Variants in TMC3 observed in about 807,000 individuals in gnomAD.
The protein encoded by TMC3 is transmembrane channel-like protein 3.
Under a neutral mutation model 110.6 loss-of-function variants are expected in TMC3, and 98 were observed. The ratio of observed to expected loss-of-function variants is 0.89; its 90% CI spans 0.75 to 1.05. TMC3 has a LOEUF of 1.05. TMC3 is among the 50% of genes least tolerant of loss of function. TMC3 has a pLI of 0.00. For synonymous variants in TMC3, 489 were observed against 513.1 expected (o/e 0.95, Z 0.63); for missense variants, 1,319 against 1,373.2 (o/e 0.96, Z 0.62).
intron 13 of TMC3, among the ~76,000 whole-genome samples, chr15:81,344,536 T>C (rs1420491450): frequency 6.6e-6 from 1 of 152,220 alleles, no homozygotes; most frequent in Non-Finnish European, 1.5e-5. Context: ...GTGACAATAA[T>C]AGGACTCTTA....
intron 1 of TMC3, among the ~76,000 whole-genome samples, chr15:81,373,787 C>T (rs1230971784): frequency 1.3e-5 from 2 of 152,174 alleles, no homozygotes; most frequent in African/African-American, 4.8e-5. Flanking sequence ...GGTCAAGAAG[C>T]AGCCAGAAGA....
chr15:81,342,751 T>C (rs979621643), intron 15 of TMC3: 1 of 152,476 alleles, frequency 6.6e-6, no homozygotes, highest in African/African-American at 2.4e-5. Flanking sequence ...AGCTCCTCAG[T>C]GTCTCCAAGG....
At chr15:81,367,578 T>A (rs1199859348) in intron 3 of TMC3, among the ~76,000 whole-genome samples, 1 of 152,180 alleles carries the variant, frequency 6.6e-6, no homozygotes, top group East Asian at 1.9e-4. Flanking sequence ...AAAATGAGCA[T>A]TGGCATATAC....
At chr15:81,365,619 C>T (rs994874439) in intron 3 of TMC3, among the ~76,000 whole-genome samples, 4 of 143,404 alleles carry the variant, frequency 2.8e-5, no homozygotes, top group East Asian at 4.2e-4. Context: ...TGCAGTGAGC[C>T]GAGATTGTGC....
intron 19 of TMC3, 71 bp from the exon 20 acceptor site, chr15:81,336,722 G>T: frequency 6.7e-7 from 1 of 1,499,972 alleles, no homozygotes; most frequent in Non-Finnish European, 9.3e-7. Context: ...ATTCCTGGGG[G>T]AAGAGAAAAA....
At chr15:81,372,140 G>A (rs1457988021) in intron 2 of TMC3, among the ~76,000 whole-genome samples, 1 of 151,332 alleles carries the variant, frequency 6.6e-6, no homozygotes, top group African/African-American at 2.4e-5. Context: ...TTTACCCAGA[G>A]GGTGGTAATA....
chr15:81,347,264 C>T (rs1027042925), intron 11 of TMC3, among the ~76,000 whole-genome samples: 21 of 152,192 alleles, frequency 1.4e-4, no homozygotes, highest in Admixed American at 1.2e-3. Flanking sequence ...ATGGGAGAAT[C>T]GTGAAACCAA....
At chr15:81,356,761 T>C (rs1000926150) in intron 7 of TMC3, among the ~76,000 whole-genome samples, 167 bp from the exon 8 acceptor site, 4 of 152,190 alleles carry the variant, frequency 2.6e-5, no homozygotes, top group Admixed American at 1.3e-4. Context: ...TTTCTGCCCA[T>C]GCTTGTGACC....
At chr15:81,351,907 C>T (rs1027769279) in intron 9 of TMC3, 66 bp from the exon 10 acceptor site, 11 of 1,563,066 alleles carry the variant, frequency 7.0e-6, no homozygotes, top group Middle Eastern at 1.7e-4. Context: ...GATGCAAAGA[C>T]AACACTACTT....
Position 81,356,478 on chromosome 15 carries a change from C to A in TMC3, c.860G>T (p.Ser287Ile), listed in dbSNP as rs979517904. The stretch of plus-strand genomic sequence containing the variant: ...GCTGTTCACTATGGCAGCTGTTTTG[C>A]TCTCTGCAGCCTCTGGGTTTCCAAT... ...YLIGNPEAAE[S>I]KTAAIVNSIR... The change falls in exon 8 of 22, where the codon AGC becomes ATC. Residue 287 changes from serine to isoleucine, a missense_variant. Physicochemically the swap from Ser to Ile is moderately radical, Grantham distance 142. Transcript: ENST00000359440. 1.9e-6 allele frequency: 3 copies of A among 1,567,822 alleles called. No homozygotes were observed. The highest frequency in any genetic ancestry group is 2.6e-6 in the Non-Finnish European group (3 of 1,156,050).
In TMC3 at chr15:81,349,122, C is replaced by T. The variant is rs530093324; in HGVS notation, c.1193+336G>A. On this transcript the variant is annotated intron_variant, in intron 11 of 21. Coordinates refer to ENST00000359440, the MANE Select transcript of TMC3 (RefSeq NM_001080532.3). ...CTGGGATTACAGGCGTGAGCCACCACGCCCGACCCTTGGTTCCCTTTTGTG... is the reference window on the plus strand; with the variant it reads ...CTGGGATTACAGGCGTGAGCCACCATGCCCGACCCTTGGTTCCCTTTTGTG... 3.3e-5 allele frequency among the ~76,000 whole-genome samples: 5 copies of T among 152,248 alleles called. No homozygotes were observed. In the South Asian group the frequency reaches 8.3e-4, roughly 25 times the overall value.
rs529759962 is a variant in TMC3 at position 81,358,234 on chromosome 15, C to G, written c.658G>C (p.Gly220Arg). Residue 220 changes from glycine (G) to arginine (R), a missense_variant, in exon 7 of 22, where the codon GGG (glycine) becomes CGG (arginine). Physicochemically the swap from Gly to Arg is moderately radical, Grantham distance 125. Coordinates refer to ENST00000359440, the MANE Select transcript of TMC3 (RefSeq NM_001080532.3). ...YGYYGRERKI[G>R]RAGYRLPLAY... is the part of the protein sequence containing the mutation. ...AAGGGCAGCCGGTAGCCAGCTCTCCCGATCTTCCTCTCCCTGCCGTAATAT... is the reference window on the plus strand; with the variant it reads ...AAGGGCAGCCGGTAGCCAGCTCTCCGGATCTTCCTCTCCCTGCCGTAATAT... The G allele has an allele frequency of 1.2e-6, 2 of 1,613,308 alleles. No individual in the cohort carries two copies. Among genetic ancestry groups the G allele is most frequent in the African/African-American group, 1.3e-5 (1 of 74,900 alleles).
intron 13 of TMC3, 48 bp from the exon 14 acceptor site, chr15:81,344,093 C>T (rs757433145): frequency 7.6e-6 from 12 of 1,579,266 alleles, no homozygotes; most frequent in South Asian, 2.2e-5. Context: ...ACCCTTCCCA[C>T]GGTCACTCTT....
intron 15 of TMC3, chr15:81,343,005 C>T: frequency 2.7e-6 from 1 of 364,790 alleles, no homozygotes; most frequent in Non-Finnish European, 5.0e-6. Flanking sequence ...CAAGTCCTCC[C>T]TAAGAGTGTA....
intron 16 of TMC3, 150 bp from the exon 17 acceptor site, chr15:81,339,654 C>T (rs1893671971): frequency 3.1e-6 from 2 of 640,064 alleles, no homozygotes; most frequent in Non-Finnish European, 2.8e-6. Context: ...ATGGATCTGT[C>T]ATAGGGTCAC....
chr15:81,372,794 G>C (rs781052355), intron 1 of TMC3, 57 bp from the exon 2 acceptor site: 4 of 1,579,620 alleles, frequency 2.5e-6, no homozygotes, highest in Non-Finnish European at 3.5e-6. Flanking sequence ...TTCCAGCAAA[G>C]ATCATCTTGC....
Position 81,359,472 on chromosome 15 carries a change from C to G in TMC3, c.395-1G>C. 1 of 1,566,790 alleles carries G rather than the reference C, an allele frequency of 6.4e-7. No individual in the cohort carries two copies. The highest frequency in any genetic ancestry group is 8.6e-7 in the Non-Finnish European group (1 of 1,156,574). ...GAGGCAACGCCAGATCCAAAATGAC[C>G]TAAAGAAAGACAAGATAATGAGAAC... On this transcript the variant is annotated splice_acceptor_variant, in intron 4 of 21. Transcript: ENST00000359440. LOFTEE classifies it high-confidence loss of function.
intron 4 of TMC3, 147 bp from the exon 5 acceptor site, chr15:81,359,618 A>G: frequency 1.7e-6 from 1 of 594,324 alleles, no homozygotes; most frequent in Non-Finnish European, 2.9e-6. Flanking sequence ...GTTCCTTCCT[A>G]AATGTTAACT....
chr15:81,362,696 A>G (rs1894215551), intron 3 of TMC3, among the ~76,000 whole-genome samples: 1 of 152,230 alleles, frequency 6.6e-6, no homozygotes, highest in African/African-American at 2.4e-5. Flanking sequence ...ATTACATCTT[A>G]AAACCACAAG....
Sources: gnomAD v4.1 joint callset for allele counts (sites outside exome capture counted in the v4.1 genomes callset) on GRCh38, gnomAD v4.1.1 for gene constraint, MANE v1.5 for transcripts, NCBI Gene and HGNC (gene_info 2026-07-23, HGNC 2026-07-21) for gene names.